TMEM11: variants seen among roughly 807,000 people sequenced by gnomAD.
The protein encoded by TMEM11 is transmembrane protein 11.
A neutral mutation model predicts 17.0 loss-of-function variants in TMEM11; 1 was observed. That is an observed-to-expected ratio of 0.06 (90% CI 0.02 to 0.28). The LOEUF (loss-of-function observed/expected upper bound fraction) is 0.28, where lower values mean the gene tolerates loss of function less well. Among genes scored for constraint, TMEM11 ranks in the 10% least tolerant of loss-of-function variants. The pLI is 1.00. For missense variants in TMEM11, 172 were observed against 252.9 expected, an observed-to-expected ratio of 0.68 and a Z score of 2.17; for synonymous variants, 122 against 118.1, an observed-to-expected ratio of 1.03 and a Z score of -0.21.
chr17:21,202,982 C>A (rs1366472063), intron 1 of TMEM11, among the ~76,000 whole-genome samples: 1 of 152,236 alleles, frequency 6.6e-6, no homozygotes, highest in Non-Finnish European at 1.5e-5. Flanking sequence ...GTCTAAGACA[C>A]CTATCCACAG....
intron 1 of TMEM11, among the ~76,000 whole-genome samples, chr17:21,207,752 G>A (rs1167548020): frequency 6.6e-6 from 1 of 150,422 alleles, no homozygotes; most frequent in Non-Finnish European, 1.5e-5. Flanking sequence ...GCCAGGTGTG[G>A]TGACAGGCGC....
At chr17:21,199,103 G>A (rs1044383512) in intron 1 of TMEM11, among the ~76,000 whole-genome samples, 1 of 151,896 alleles carries the variant, frequency 6.6e-6, no homozygotes, top group Non-Finnish European at 1.5e-5. Flanking sequence ...GGCGGATCAT[G>A]AGGTCAGGAG....
chr17:21,207,536 A>G (rs948097456), intron 1 of TMEM11, among the ~76,000 whole-genome samples: 1 of 151,720 alleles, frequency 6.6e-6, no homozygotes, highest in Admixed American at 6.6e-5. Context: ...TCAATAATAT[A>G]ATTTTAAAAA....
chr17:21,198,063 A>G lies in TMEM11; in HGVS notation c.*261T>C, dbSNP rs570784355. On this transcript the variant is annotated 3_prime_UTR_variant, in exon 2 of 2. Transcript: ENST00000317635. This position sits in a 1 kb window ranked among gnomAD's most constrained non-coding sequence, Gnocchi z 6.5. Reference sequence around the variant, plus strand: ...CAAAGCACGTCCACACCCCCTCGGCAGCGTCTGCCTCCATCAGCATTCCAC... The same window carrying G: ...CAAAGCACGTCCACACCCCCTCGGCGGCGTCTGCCTCCATCAGCATTCCAC... 3.1e-5 allele frequency: 14 copies of G among 454,488 alleles called. No homozygotes were observed. The East Asian group carries it at 4.6e-4, about 15-fold the overall frequency. 28.2% of individuals were successfully genotyped at this position (454,488 alleles called of 1,614,324 possible).
At chr17:21,213,997 A>G in intron 1 of TMEM11, 94 bp downstream of exon 1, 1 of 1,213,886 alleles carries the variant, frequency 8.2e-7, no homozygotes, top group Non-Finnish European at 1.1e-6. Context: ...CGGGGAAACC[A>G]GGGAAGGAAG....
At chr17:21,201,198 C>T (rs1974879442) in intron 1 of TMEM11, among the ~76,000 whole-genome samples, 1 of 152,188 alleles carries the variant, frequency 6.6e-6, no homozygotes, top group African/African-American at 2.4e-5. Context: ...TGACTGTGCC[C>T]CCAAGCATGG....
intron 1 of TMEM11, among the ~76,000 whole-genome samples, chr17:21,202,633 G>A (rs975449168): frequency 1.3e-5 from 2 of 148,692 alleles, no homozygotes; most frequent in African/African-American, 4.9e-5. Flanking sequence ...AGGCTCCATC[G>A]CTTGCTGGGA....
intron 1 of TMEM11, among the ~76,000 whole-genome samples, chr17:21,205,115 G>A (rs1455174673): frequency 1.3e-5 from 2 of 152,076 alleles, no homozygotes; most frequent in South Asian, 2.1e-4. Context: ...GTTAAAAGGC[G>A]GCCACAGTGA....
At chr17:21,205,204 G>A (rs760369128) in intron 1 of TMEM11, among the ~76,000 whole-genome samples, 134 of 152,270 alleles carry the variant, frequency 8.8e-4, no homozygotes, top group Non-Finnish European at 1.8e-3. Context: ...GTCTGGAGGC[G>A]TCTCCCCAAA....
chr17:21,203,570 G>A (rs926178853), intron 1 of TMEM11, among the ~76,000 whole-genome samples: 2 of 152,104 alleles, frequency 1.3e-5, no homozygotes, highest in South Asian at 2.1e-4. Context: ...AGCCAGGCGC[G>A]GTGCTGCACA....
At position 21,198,616 on chromosome 17, in the gene TMEM11, G is replaced by A. The variant is rs1597767747; in HGVS notation, c.287C>T (p.Pro96Leu). 4 of 1,613,880 alleles carry A rather than the reference G, an allele frequency of 2.5e-6. No individual in the cohort carries two copies. Among genetic ancestry groups the A allele is most frequent in the Non-Finnish European group, 3.4e-6 (4 of 1,179,966 alleles). The change falls in exon 2 of 2, where the codon CCG becomes CTG. Residue 96 changes from proline to leucine, a missense_variant. By Grantham distance (98) the Pro-to-Leu change is moderately conservative. Transcript: ENST00000317635. This position sits in a 1 kb window ranked among gnomAD's most constrained non-coding sequence, Gnocchi z 6.5. ...VLAGTACLFT[P>L]LALPLDYSHY... ...GGAATAATCTAAGGGCAGCGCCAAC[G>A]GGGTGAAGAGGCAGGCGGTGCCCGC...
intron 1 of TMEM11, among the ~76,000 whole-genome samples, chr17:21,212,677 T>C (rs181947982): frequency 6.6e-6 from 1 of 152,268 alleles, no homozygotes; most frequent in Non-Finnish European, 1.5e-5. Context: ...GCAAGGCTCC[T>C]GTTCCCTGCC....
intron 1 of TMEM11, among the ~76,000 whole-genome samples, chr17:21,211,435 A>G (rs777494448): frequency 3.9e-5 from 6 of 152,238 alleles, no homozygotes; most frequent in Non-Finnish European, 7.3e-5. Flanking sequence ...GAGACTGAGG[A>G]GCTGAATTCT....
intron 1 of TMEM11, among the ~76,000 whole-genome samples, chr17:21,203,991 CTTTTTTTT>C (rs368733534): frequency 6.5e-5 from 7 of 107,654 alleles, no homozygotes; most frequent in Admixed American, 2.1e-4. Context: ...ATTATATGGA[CTTTTTTTT>C]TTTTTTTTAA....
intron 1 of TMEM11, chr17:21,213,890 C>T (rs765076715): frequency 2.0e-5 from 12 of 595,554 alleles, no homozygotes; most frequent in Non-Finnish European, 3.2e-5. Flanking sequence ...CGCCCCTTCC[C>T]CTAAGCTCTC....
chr17:21,213,786 C>T, intron 1 of TMEM11: 1 of 399,448 alleles, frequency 2.5e-6, no homozygotes. Flanking sequence ...AGGCGGGTCC[C>T]TGAGGCCTGC....
chr17:21,202,325 G>A (rs1017257602), intron 1 of TMEM11, among the ~76,000 whole-genome samples: 4 of 152,194 alleles, frequency 2.6e-5, no homozygotes. Flanking sequence ...CCAGAGGCGG[G>A]CTTCCTCCCT....
chr17:21,206,226 C>T lies in TMEM11; in HGVS notation c.63-7386G>A, dbSNP rs570676836. Among the ~76,000 whole-genome samples, 106 of 152,148 alleles carry T rather than the reference C, an allele frequency of 7.0e-4. 2 individuals carry two copies. The highest frequency in any genetic ancestry group is 2.4e-3 in the African/African-American group (98 of 41,536). The stretch of plus-strand genomic sequence containing the variant: ...ATCCTCACCAACACTTGTTATTTTC[C>T]GTTTTCTTTTCTTTTGAGGCAGTCT... On this transcript the variant is annotated intron_variant, in intron 1 of 1. Transcript: ENST00000317635.
At chr17:21,205,104 A>G (rs907452084) in intron 1 of TMEM11, among the ~76,000 whole-genome samples, 3 of 152,088 alleles carry the variant, frequency 2.0e-5, no homozygotes, top group Non-Finnish European at 4.4e-5. Flanking sequence ...CTAGCATTCC[A>G]GTTAAAAGGC....
Sources: gnomAD v4.1 joint callset for allele counts (sites outside exome capture counted in the v4.1 genomes callset) on GRCh38, gnomAD v4.1.1 for gene constraint, Gnocchi (gnomAD v3.1) non-coding constraint, MANE v1.5 for transcripts, NCBI Gene and HGNC (gene_info 2026-07-23, HGNC 2026-07-21) for gene names.